Variants in WNK3 observed in about 807,000 individuals in gnomAD.
WNK3 encodes the protein WNK lysine deficient protein kinase 3, also known as serine/threonine-protein kinase WNK3.
In WNK3, 18 loss-of-function variants were observed where a neutral mutation model predicts 116.7. That is an observed-to-expected ratio of 0.15 (90% CI 0.11 to 0.23). The LOEUF (loss-of-function observed/expected upper bound fraction) is 0.23, where lower values mean the gene tolerates loss of function less well. Among genes scored for constraint, WNK3 ranks in the 10% least tolerant of loss-of-function variants. The probability of loss-of-function intolerance (pLI) is 1.00; values close to 1 mark genes in which losing one functional copy is unlikely to be tolerated. For synonymous variants in WNK3, 404 were observed against 469.4 expected, an observed-to-expected ratio of 0.86 and a Z score of 1.80; for missense variants, 993 against 1,323.8, an observed-to-expected ratio of 0.75 and a Z score of 3.88.
At chrX:54,259,199 C>T (rs1182370822) in intron 11 of WNK3, 75 bp downstream of exon 11, 5 of 541,967 alleles carry the variant, frequency 9.2e-6, no homozygotes, top group Non-Finnish European at 1.2e-5. Flanking sequence ...AGTCAGGATG[C>T]ACTAAGCACC....
At chrX:54,324,575 T>C (rs782219201) in intron 2 of WNK3, among the ~76,000 whole-genome samples, 1 of 112,420 alleles carries the variant, frequency 8.9e-6, no homozygotes, top group African/African-American at 3.2e-5. Flanking sequence ...GATGAGAACA[T>C]GTATATTTAA....
At chrX:54,293,308 T>C (rs1192109202) in exon 9 of WNK3, 1 of 1,188,812 alleles carries the variant, frequency 8.4e-7, no homozygotes, top group Non-Finnish European at 1.1e-6. Flanking sequence ...ATGCAGCTCC[T>C]GCCTCAGACA....
At position 54,285,915 on chromosome X, in the gene WNK3, T is replaced by C. The variant is rs145789898; in HGVS notation, c.2037+6973A>G. On this transcript the variant is annotated intron_variant, in intron 10 of 23. Coordinates refer to ENST00000354646, the Ensembl canonical transcript of WNK3. ...GATGTTGGCAACTTCCTTTAAACTT[T>C]GAAATGCACCAGAAAAATAAAATGG... Among the ~76,000 whole-genome samples the C allele has an allele frequency of 4.0e-3, 445 of 112,124 alleles. 3 individuals carry two copies. Among genetic ancestry groups the C allele is most frequent in the African/African-American group, 0.014 (434 of 30,954 alleles).
In WNK3 at chrX:54,339,695, G is replaced by A. The variant is rs2069292970; in HGVS notation, c.-119-5903C>T. Among the ~76,000 whole-genome samples the A allele has an allele frequency of 2.7e-5, 3 of 111,759 alleles. No homozygotes were observed. In the South Asian group the frequency reaches 1.1e-3, roughly 42 times the overall value. On this transcript the variant is annotated intron_variant, in intron 1 of 23. Transcript: ENST00000354646. ...AATCCACATGCAAAAGAATGAAGCTGGACCCCGACCTCGTACCATACACAG... is the reference window on the plus strand; with the variant it reads ...AATCCACATGCAAAAGAATGAAGCTAGACCCCGACCTCGTACCATACACAG...
At chrX:54,286,949 C>T (rs2068588512) in intron 10 of WNK3, among the ~76,000 whole-genome samples, 1 of 108,418 alleles carries the variant, frequency 9.2e-6, no homozygotes, top group Non-Finnish European at 1.9e-5. Flanking sequence ...CCCAAATTAA[C>T]TAAATCTCAC....
At chrX:54,342,167 C>T (rs936634303) in intron 1 of WNK3, among the ~76,000 whole-genome samples, 2 of 111,535 alleles carry the variant, frequency 1.8e-5, no homozygotes, top group Non-Finnish European at 3.8e-5. Flanking sequence ...ACTAAGGAGG[C>T]AGAGGTGGGA....
intron 6 of WNK3, among the ~76,000 whole-genome samples, chrX:54,299,977 A>G (rs1226630654): frequency 9.1e-6 from 1 of 110,485 alleles, no homozygotes; most frequent in Non-Finnish European, 1.9e-5. Context: ...CTCCTGCCTC[A>G]GCCCCCAGAG....
chrX:54,228,342 T>C (rs1442870152), intron 22 of WNK3, among the ~76,000 whole-genome samples: 1 of 111,954 alleles, frequency 8.9e-6, no homozygotes, highest in Non-Finnish European at 1.9e-5. Context: ...ATACATGTTA[T>C]AAAATGTTTG....
chrX:54,329,291 G>A (rs556827483), intron 2 of WNK3, among the ~76,000 whole-genome samples: 4 of 111,674 alleles, frequency 3.6e-5, no homozygotes, highest in African/African-American at 1.3e-4. Flanking sequence ...ACCACACTTC[G>A]AGTAGTAAGA....
chrX:54,207,728 G>C (rs967627655), intron 22 of WNK3, among the ~76,000 whole-genome samples: 3 of 109,163 alleles, frequency 2.7e-5, no homozygotes, highest in African/African-American at 1.0e-4. Flanking sequence ...TGGTCAGGCT[G>C]GTCTCAAACT....
chrX:54,193,508 T>A lies in WNK3; in HGVS notation c.*4816A>T, dbSNP rs782510906. 5.4e-5 allele frequency: 6 copies of A among 111,578 alleles called. No individual in the cohort carries two copies. In the Admixed American group the frequency reaches 5.8e-4, roughly 11 times the overall value. 9.2% of individuals were successfully genotyped at this position (111,578 alleles called of 1,213,427 possible). A position where few individuals can be genotyped will look rare whatever the true frequency, so the allele number is the denominator to read the frequency against. On this transcript the variant is annotated 3_prime_UTR_variant, in exon 24 of 24. Coordinates refer to ENST00000354646, the Ensembl canonical transcript of WNK3. ...CTTCTTGCTTGACTTTTAACCTTGT[T>A]TGAATTTTTTTTAATAAAAAGAAAA...
At chrX:54,298,130 C>A in intron 7 of WNK3, 45 bp downstream of exon 7, 1 of 887,594 alleles carries the variant, frequency 1.1e-6, no homozygotes, top group Non-Finnish European at 1.7e-6. Context: ...GGAATGAACT[C>A]TGATACAATA....
intron 2 of WNK3, among the ~76,000 whole-genome samples, chrX:54,315,617 T>C (rs1476004149): frequency 8.9e-6 from 1 of 112,021 alleles, no homozygotes; most frequent in African/African-American, 3.2e-5. Flanking sequence ...GCTTCTAGCA[T>C]TGAAGATAAG....
chrX:54,255,600 A>G, intron 12 of WNK3, 140 bp downstream of exon 12: 2 of 467,022 alleles, frequency 4.3e-6, no homozygotes, highest in Non-Finnish European at 6.7e-6. Context: ...TAATACTCAC[A>G]TTGGAAAGTC....
At chrX:54,247,793 G>A (rs1315144743) in intron 17 of WNK3, among the ~76,000 whole-genome samples, 2 of 111,295 alleles carry the variant, frequency 1.8e-5, no homozygotes, top group African/African-American at 6.5e-5. Flanking sequence ...TATGTATACA[G>A]CACAGTATTT....
chrX:54,215,835 T>A (rs1557145133), intron 22 of WNK3, among the ~76,000 whole-genome samples: 2 of 111,336 alleles, frequency 1.8e-5, no homozygotes, highest in Non-Finnish European at 3.8e-5. Flanking sequence ...TTTTGTCGAC[T>A]AGAAAAGGGG....
chrX:54,285,325 T>C (rs2068567920), intron 10 of WNK3, among the ~76,000 whole-genome samples: 1 of 111,952 alleles, frequency 8.9e-6, no homozygotes, highest in African/African-American at 3.2e-5. Context: ...CAAGGATGGC[T>C]TGAGCCAGGA....
At chrX:54,293,193 C>G (rs1557165504) in exon 9 of WNK3, 1 of 1,209,929 alleles carries the variant, frequency 8.3e-7, no homozygotes, top group Admixed American at 2.2e-5. Context: ...TGCCCTGGAA[C>G]ATTTACTTCA....
At chrX:54,292,706 C>CA (rs1180750751) in intron 10 of WNK3, among the ~76,000 whole-genome samples, 182 bp downstream of exon 10, 951 of 21,507 alleles carry the variant, frequency 0.044, 32 homozygotes, top group African/African-American at 0.07. Context: ...CACTCCACCT[C>CA]AAAAAAAAAA....
Sources: gnomAD v4.1 joint callset for allele counts (sites outside exome capture counted in the v4.1 genomes callset) on GRCh38, gnomAD v4.1.1 for gene constraint, MANE v1.5 for transcripts, NCBI Gene and HGNC (gene_info 2026-07-23, HGNC 2026-07-21) for gene names.